Variants in PRKG1 observed in about 807,000 individuals in gnomAD.
PRKG1 encodes cGMP-dependent protein kinase 1.
PRKG1 carries 35 observed loss-of-function variants against 88.1 expected under a neutral mutation model. That is an observed-to-expected ratio of 0.40 (90% CI 0.30 to 0.53). PRKG1 has a LOEUF of 0.53. PRKG1 is among the 20% of genes least tolerant of loss of function. PRKG1 has a pLI of 0.59. For missense variants in PRKG1, 540 were observed against 839.8 expected (o/e 0.64, Z 4.41); for synonymous variants, 303 against 292.5 (o/e 1.04, Z -0.37).
chr10:51,973,845 C>T (rs184856011), intron 5 of PRKG1, among the ~76,000 whole-genome samples: 2 of 152,202 alleles, frequency 1.3e-5, no homozygotes, highest in Admixed American at 1.3e-4. Flanking sequence ...AAATGTAACT[C>T]ATGGATCAAA....
chr10:52,077,219 T>C (rs1846651315), intron 7 of PRKG1, among the ~76,000 whole-genome samples: 1 of 152,128 alleles, frequency 6.6e-6, no homozygotes, highest in South Asian at 2.1e-4. Context: ...AAGTAGTATG[T>C]AGCAATAAAA....
chr10:52,198,156 G>A (rs1343754938), intron 9 of PRKG1, among the ~76,000 whole-genome samples: 2 of 152,110 alleles, frequency 1.3e-5, no homozygotes, highest in African/African-American at 2.4e-5. Flanking sequence ...CTTCTTCATC[G>A]TTTTCCACAT....
chr10:51,399,447 A>G (rs887187782), intron 2 of PRKG1, among the ~76,000 whole-genome samples: 22 of 152,222 alleles, frequency 1.4e-4, no homozygotes, highest in African/African-American at 5.1e-4. Flanking sequence ...CAAAGAAAAA[A>G]AATAAATGCA....
chr10:51,512,175 A>ATTT (rs59298858), intron 3 of PRKG1, among the ~76,000 whole-genome samples: 3 of 132,802 alleles, frequency 2.3e-5, no homozygotes, highest in Non-Finnish European at 3.1e-5. Context: ...ATTCTAATTA[A>ATTT]TTTTTTTTTT....
At chr10:51,201,740 T>C (rs1464568882) in intron 2 of PRKG1, among the ~76,000 whole-genome samples, 1 of 152,130 alleles carries the variant, frequency 6.6e-6, no homozygotes, top group African/African-American at 2.4e-5. Context: ...CATGTGAGGA[T>C]ACAACAGAAG....
chr10:51,562,235 AAT>A (rs1491053842), intron 3 of PRKG1, among the ~76,000 whole-genome samples: 1 of 151,848 alleles, frequency 6.6e-6, no homozygotes, highest in East Asian at 1.9e-4. Context: ...AAAAAAAAAA[AAT>A]GCTACTGTAA....
chr10:51,932,499 A>G (rs548430424), intron 5 of PRKG1, among the ~76,000 whole-genome samples: 49 of 152,240 alleles, frequency 3.2e-4, no homozygotes, highest in African/African-American at 1.1e-3. Flanking sequence ...ACACCCACCT[A>G]GGAAGTTGGA....
At chr10:51,905,402 A>C (rs1459160638) in intron 4 of PRKG1, among the ~76,000 whole-genome samples, 1 of 152,186 alleles carries the variant, frequency 6.6e-6, no homozygotes, top group East Asian at 1.9e-4. Flanking sequence ...AAAAGAGAGC[A>C]TTATTGTTTC....
chr10:52,164,631 T>G (rs1470138204), intron 9 of PRKG1, among the ~76,000 whole-genome samples: 1 of 151,854 alleles, frequency 6.6e-6, no homozygotes. Flanking sequence ...TCAATTCTAA[T>G]TAAAGAAGAA....
intron 1 of PRKG1, among the ~76,000 whole-genome samples, chr10:51,111,095 T>C (rs970412227): frequency 6.6e-6 from 1 of 152,150 alleles, no homozygotes; most frequent in South Asian, 2.1e-4. Flanking sequence ...TCTGGTGAAG[T>C]ACAGAGTTGA....
intron 2 of PRKG1, among the ~76,000 whole-genome samples, chr10:51,463,221 A>G (rs1839791671): frequency 6.6e-6 from 1 of 152,198 alleles, no homozygotes; most frequent in Non-Finnish European, 1.5e-5. Flanking sequence ...AGAAATAGAT[A>G]TCACATTAAT....
At chr10:51,935,045 C>G (rs899252051) in intron 5 of PRKG1, among the ~76,000 whole-genome samples, 2 of 152,064 alleles carry the variant, frequency 1.3e-5, no homozygotes, top group Non-Finnish European at 2.9e-5. Context: ...ACACTGTACT[C>G]ATTACCAGGC....
intron 3 of PRKG1, among the ~76,000 whole-genome samples, chr10:51,669,243 C>A (rs1346017275): frequency 3.9e-5 from 6 of 152,140 alleles, no homozygotes; most frequent in Non-Finnish European, 8.8e-5. Context: ...GATCAGGGCG[C>A]CAGCATAGTT....
At chr10:51,697,946 C>G in intron 3 of PRKG1, 5 of 1,598,286 alleles carry the variant, frequency 3.1e-6, no homozygotes, top group Non-Finnish European at 4.3e-6. Flanking sequence ...TATACTGACT[C>G]CTTGTATGCC....
chr10:51,865,886 G>A (rs898068921), intron 4 of PRKG1, among the ~76,000 whole-genome samples: 1 of 151,746 alleles, frequency 6.6e-6, no homozygotes, highest in Non-Finnish European at 1.5e-5. Flanking sequence ...TTAAATAAAG[G>A]CATTTTTATA....
intron 1 of PRKG1, among the ~76,000 whole-genome samples, chr10:51,078,586 ATTTATATT>A (rs1416350998): frequency 7.6e-6 from 1 of 132,304 alleles, no homozygotes; most frequent in African/African-American, 2.9e-5. Context: ...AAAAATATTT[ATTTATATT>A]TATTTATTTA....
At chr10:51,815,938 C>G (rs1839573382) in intron 4 of PRKG1, among the ~76,000 whole-genome samples, 1 of 152,152 alleles carries the variant, frequency 6.6e-6, no homozygotes, top group African/African-American at 2.4e-5. Flanking sequence ...TGAACACTCC[C>G]TTTACCAAAC....
chr10:51,292,632 T>G (rs896040572), intron 2 of PRKG1, among the ~76,000 whole-genome samples: 3 of 152,172 alleles, frequency 2.0e-5, no homozygotes, highest in African/African-American at 4.8e-5. Context: ...TATTTTATAA[T>G]TATATTGGTT....
chr10:51,778,798 C>T (rs1838508929), intron 3 of PRKG1, among the ~76,000 whole-genome samples: 1 of 152,052 alleles, frequency 6.6e-6, no homozygotes, highest in South Asian at 2.1e-4. Flanking sequence ...GATATCTGTT[C>T]CTTGTTCTTG....
Sources: gnomAD v4.1 joint callset for allele counts (sites outside exome capture counted in the v4.1 genomes callset) on GRCh38, gnomAD v4.1.1 for gene constraint, MANE v1.5 for transcripts, NCBI Gene and HGNC (gene_info 2026-07-23, HGNC 2026-07-21) for gene names.